The following TPRG1 variants were observed in gnomAD, a reference collection of about 807,000 sequenced individuals.
TPRG1 encodes the protein tumor protein p63-regulated gene 1 protein.
A neutral mutation model predicts 29.3 loss-of-function variants in TPRG1; 29 were observed. The ratio of observed to expected loss-of-function variants is 0.99; its 90% CI spans 0.74 to 1.35. TPRG1 has a LOEUF of 1.35. TPRG1 is among the 40% of genes most tolerant of loss of function. The pLI is 0.00. For missense variants in TPRG1, 327 were observed against 335.0 expected, an observed-to-expected ratio of 0.98 and a Z score of 0.19; for synonymous variants, 130 against 116.8, an observed-to-expected ratio of 1.11 and a Z score of -0.73.
chr3:189,320,774 G>A lies in TPRG1; in HGVS notation c.782G>A (p.Arg261His), dbSNP rs202037469. The A allele has an allele frequency of 1.9e-5, 31 of 1,609,262 alleles. No individual in the cohort carries two copies. The highest frequency in any genetic ancestry group is 2.2e-5 in the East Asian group (1 of 44,496). Reference sequence around the variant, plus strand: ...GGGCTGATGTCATTCATTGGAAACCGCAACAAACTTGGCTATTCCCTTGCC... The same window carrying A: ...GGGCTGATGTCATTCATTGGAAACCACAACAAACTTGGCTATTCCCTTGCC... ...YTGLMSFIGN[R>H]NKLGYSLARG... The change falls in exon 6 of 6, where the codon CGC becomes CAC. Residue 261 changes from arginine (R) to histidine (H), a missense_variant. Coordinates refer to ENST00000345063, the MANE Select transcript of TPRG1 (RefSeq NM_198485.4).
At chr3:189,096,036 G>A (rs563219879), upstream of TPRG1, among the ~76,000 whole-genome samples, 4 of 152,296 alleles carry the variant, frequency 2.6e-5, no homozygotes, top group African/African-American at 9.6e-5. Context: ...AATTGGAAAC[G>A]ATAAGACACT....
At chr3:189,196,023 C>T (rs962322164) in intron 1 of TPRG1, among the ~76,000 whole-genome samples, 2 of 152,170 alleles carry the variant, frequency 1.3e-5, no homozygotes, top group African/African-American at 4.8e-5. Context: ...TTGCTGACAT[C>T]ACCTCTCTCA....
At chr3:189,087,569 T>G (rs1222971860) in intron 4 of TPRG1, among the ~76,000 whole-genome samples, 5 of 152,154 alleles carry the variant, frequency 3.3e-5, no homozygotes, top group African/African-American at 4.8e-5. Context: ...TTTTAGACAT[T>G]AAGTACTTGC....
At chr3:189,150,627 T>G (rs1309712545) in intron 4 of TPRG1, 1 of 152,234 alleles carries the variant, frequency 6.6e-6, no homozygotes, top group African/African-American at 2.4e-5. Context: ...ACATGATCAA[T>G]AACTGCTTTT....
At chr3:189,243,100 G>A (rs1740871775) in intron 4 of TPRG1, among the ~76,000 whole-genome samples, 2 of 152,068 alleles carry the variant, frequency 1.3e-5, no homozygotes, top group Non-Finnish European at 1.5e-5. Flanking sequence ...AAGAAAATAA[G>A]TTTAATTGGC....
chr3:189,161,332 G>A (rs935715404), intron 5 of TPRG1, among the ~76,000 whole-genome samples: 1 of 152,144 alleles, frequency 6.6e-6, no homozygotes, highest in Non-Finnish European at 1.5e-5. Context: ...CGGCCTTGGG[G>A]CAAGTTATTC....
intron 3 of TPRG1, among the ~76,000 whole-genome samples, chr3:189,226,508 C>G (rs550341791): frequency 6.6e-6 from 1 of 151,708 alleles, no homozygotes; most frequent in Non-Finnish European, 1.5e-5. Context: ...ATGTGTGGGA[C>G]GCAGCGAAAA....
intron 4 of TPRG1, among the ~76,000 whole-genome samples, chr3:189,246,127 C>T (rs1170669108): frequency 1.3e-5 from 2 of 151,894 alleles, no homozygotes; most frequent in Non-Finnish European, 2.9e-5. Flanking sequence ...TAGATTTTTC[C>T]CATGTTTTTC....
chr3:189,295,913 T>TA (rs55666008), intron 4 of TPRG1, among the ~76,000 whole-genome samples: 60,112 of 96,988 alleles, frequency 0.62, 13,321 homozygotes, highest in East Asian at 0.73. Context: ...AATGATGCTT[T>TA]AAAAAAAAAA....
chr3:189,220,665 C>G (rs1322650194), intron 3 of TPRG1, among the ~76,000 whole-genome samples: 1 of 152,144 alleles, frequency 6.6e-6, no homozygotes, highest in Non-Finnish European at 1.5e-5. Flanking sequence ...TTAGCTCCCA[C>G]TTATAAGTCA....
intron 4 of TPRG1, among the ~76,000 whole-genome samples, chr3:189,266,061 G>A (rs1344280098): frequency 6.6e-6 from 1 of 152,124 alleles, no homozygotes; most frequent in East Asian, 1.9e-4. Flanking sequence ...ATGTTGTTTA[G>A]AAGTCCACGG....
In TPRG1 at chr3:189,323,029, G is replaced by A. The variant is rs1339586186; in HGVS notation, c.*2209G>A. On this transcript the variant is annotated 3_prime_UTR_variant, in exon 6 of 6. Coordinates refer to ENST00000345063, the MANE Select transcript of TPRG1 (RefSeq NM_198485.4). Reference sequence around the variant, plus strand: ...TAGAAAGCGGTATTATGACCAGAGGGTGAGAAGATTTAGGAATTTGGATAG... The same window carrying A: ...TAGAAAGCGGTATTATGACCAGAGGATGAGAAGATTTAGGAATTTGGATAG... 6.6e-6 allele frequency: 1 copy of A among 152,092 alleles called. No individual in the cohort carries two copies. The highest frequency in any genetic ancestry group is 2.1e-4 in the South Asian group (1 of 4,826). 9.4% of individuals were successfully genotyped at this position (152,092 alleles called of 1,614,324 possible).
chr3:189,304,045 G>A (rs753299530), intron 4 of TPRG1, among the ~76,000 whole-genome samples: 4 of 151,300 alleles, frequency 2.6e-5, no homozygotes, highest in Middle Eastern at 3.5e-3. Flanking sequence ...TTTTAGGAGA[G>A]GAATGTTCAG....
intron 4 of TPRG1, among the ~76,000 whole-genome samples, chr3:189,298,569 G>A (rs1485811942): frequency 6.6e-6 from 1 of 152,112 alleles, no homozygotes; most frequent in Non-Finnish European, 1.5e-5. Flanking sequence ...TTCATCAGTG[G>A]CATGGGATTT....
chr3:189,260,871 T>C (rs1712886898), intron 4 of TPRG1, among the ~76,000 whole-genome samples: 1 of 152,126 alleles, frequency 6.6e-6, no homozygotes, highest in African/African-American at 2.4e-5. Context: ...CCTTGCTTTC[T>C]CGGATCCAAA....
intron 4 of TPRG1, chr3:189,150,569 C>G (rs1725815224): frequency 6.6e-6 from 1 of 152,156 alleles, no homozygotes; most frequent in South Asian, 2.1e-4. Context: ...CTGTTAACTC[C>G]TTGAAGGAAG....
chr3:189,218,594 C>T (rs2108853318), intron 3 of TPRG1, among the ~76,000 whole-genome samples: 1 of 152,306 alleles, frequency 6.6e-6, no homozygotes, highest in South Asian at 2.1e-4. Flanking sequence ...AGCCCTTTTA[C>T]TGTGTATAGC....
At chr3:189,103,898 T>C (rs1339434068) in intron 1 of TPRG1, among the ~76,000 whole-genome samples, 10 of 152,192 alleles carry the variant, frequency 6.6e-5, no homozygotes, top group Admixed American at 5.9e-4. Context: ...GAGTTTTTCA[T>C]TTTATAGTTT....
At chr3:189,306,755 T>C (rs927428318) in intron 4 of TPRG1, among the ~76,000 whole-genome samples, 2 of 152,170 alleles carry the variant, frequency 1.3e-5, no homozygotes, top group East Asian at 3.9e-4. Context: ...AGACACTCAA[T>C]ATATGCTGGT....
Sources: allele counts gnomAD v4.1 joint callset (sites outside exome capture counted in the v4.1 genomes callset), GRCh38; gene constraint gnomAD v4.1.1; transcripts MANE v1.5; gene names NCBI Gene and HGNC (gene_info 2026-07-23, HGNC 2026-07-21).